The following ZNF577 variants were observed in gnomAD, a reference collection of about 807,000 sequenced individuals.
ZNF577 encodes the protein zinc finger protein 577.
A neutral mutation model predicts 13.9 loss-of-function variants in ZNF577; 14 were observed. That is an observed-to-expected ratio of 1.00 (90% CI 0.66 to 1.57). ZNF577 has a LOEUF of 1.57. Among genes scored for constraint, ZNF577 ranks in the 40% most tolerant of loss-of-function variants. The pLI is 0.00. For synonymous variants in ZNF577, 203 were observed against 202.9 expected (o/e 1.00, Z 0.00); for missense variants, 555 against 579.2 (o/e 0.96, Z 0.43).
chr19:51,857,231 G>A (rs1037361762), intron 5 of ZNF577, among the ~76,000 whole-genome samples: 15 of 151,886 alleles, frequency 9.9e-5, no homozygotes, highest in East Asian at 1.9e-4. Flanking sequence ...CCCGGGAGGC[G>A]GAGGCTGCAG....
At chr19:51,885,700 G>A (rs112819549) in intron 1 of ZNF577, among the ~76,000 whole-genome samples, 4,809 of 152,134 alleles carry the variant, frequency 0.032, 206 homozygotes, top group African/African-American at 0.099. Flanking sequence ...AGTAGGGATG[G>A]GGTTTCATCA....
At chr19:51,852,371 G>T (rs1365862109) in intron 5 of ZNF577, among the ~76,000 whole-genome samples, 1 of 152,204 alleles carries the variant, frequency 6.6e-6, no homozygotes, top group African/African-American at 2.4e-5. Context: ...CTGTCCAAAA[G>T]TTGCAAGGAG....
At position 51,880,304 on chromosome 19, in the gene ZNF577, A is replaced by G; in HGVS notation, c.60+19T>C. On this transcript the variant is annotated intron_variant, in intron 3 of 5. Transcript: ENST00000638348. ...AAGGAAAGAAGTTTCTCAAGCTCTCACAGCAATGACAAATTTACCTCCCCT... is the reference window on the plus strand; with the variant it reads ...AAGGAAAGAAGTTTCTCAAGCTCTCGCAGCAATGACAAATTTACCTCCCCT... 2 of 1,612,588 alleles carry G rather than the reference A, an allele frequency of 1.2e-6. No homozygotes were observed. The highest frequency in any genetic ancestry group is 1.7e-6 in the Non-Finnish European group (2 of 1,178,816).
chr19:51,819,927 T>C (rs555293325), intron 9 of ZNF577, among the ~76,000 whole-genome samples: 4 of 152,266 alleles, frequency 2.6e-5, no homozygotes, highest in African/African-American at 9.6e-5. Flanking sequence ...ACAAATACCA[T>C]TTCTTGGGAA....
At chr19:51,819,775 A>G (rs1007615422) in intron 9 of ZNF577, among the ~76,000 whole-genome samples, 2 of 152,220 alleles carry the variant, frequency 1.3e-5, no homozygotes, top group Non-Finnish European at 2.9e-5. Flanking sequence ...TCTTAAAGAA[A>G]TAGGGTTGAA....
At chr19:51,808,157 G>A (rs987220484) in intron 10 of ZNF577, among the ~76,000 whole-genome samples, 7 of 152,102 alleles carry the variant, frequency 4.6e-5, no homozygotes, top group Admixed American at 2.6e-4. Context: ...CTCCGTGCAG[G>A]GTTTGGTAAA....
At chr19:51,865,210 C>T (rs1174206244), downstream of ZNF577, among the ~76,000 whole-genome samples, 1 of 152,188 alleles carries the variant, frequency 6.6e-6, no homozygotes, top group African/African-American at 2.4e-5. Context: ...GATTCTCCAA[C>T]CGCACCTCTG....
chr19:51,864,317 G>A (rs1350094247), downstream of ZNF577, among the ~76,000 whole-genome samples: 2 of 152,086 alleles, frequency 1.3e-5, no homozygotes, highest in Non-Finnish European at 2.9e-5. Context: ...GAACCAAGAT[G>A]TTTCTGATGT....
intron 9 of ZNF577, among the ~76,000 whole-genome samples, chr19:51,839,080 T>C (rs1317206631): frequency 6.6e-6 from 1 of 152,162 alleles, no homozygotes; most frequent in African/African-American, 2.4e-5. Context: ...TCCAATAATC[T>C]TCAAAAGAAA....
downstream of ZNF577, among the ~76,000 whole-genome samples, chr19:51,865,555 C>CT (rs1441493741): frequency 1.3e-5 from 2 of 152,148 alleles, no homozygotes; most frequent in Admixed American, 1.3e-4. Flanking sequence ...AAAGGCAGTG[C>CT]TGTGATGATG....
intron 5 of ZNF577, among the ~76,000 whole-genome samples, chr19:51,852,807 G>C (rs2084385513): frequency 6.6e-6 from 1 of 152,148 alleles, no homozygotes; most frequent in Admixed American, 6.5e-5. Flanking sequence ...AAAATGTCAT[G>C]TGTGTGTAAT....
intron 9 of ZNF577, among the ~76,000 whole-genome samples, chr19:51,838,474 G>C (rs1306817562): frequency 1.3e-5 from 2 of 150,532 alleles, no homozygotes; most frequent in Non-Finnish European, 3.0e-5. Flanking sequence ...ATGTACCCTA[G>C]AACTTAAAGT....
At chr19:51,854,846 C>T (rs1480245932) in intron 5 of ZNF577, among the ~76,000 whole-genome samples, 2 of 151,816 alleles carry the variant, frequency 1.3e-5, no homozygotes, top group East Asian at 3.9e-4. Flanking sequence ...TTTTCTGTTT[C>T]ACTTCTTCAT....
chr19:51,838,612 T>C (rs1450512646), intron 9 of ZNF577, among the ~76,000 whole-genome samples: 1 of 147,832 alleles, frequency 6.8e-6, no homozygotes, highest in Non-Finnish European at 1.5e-5. Context: ...CATAAATATA[T>C]ATAAATTTAT....
intron 9 of ZNF577, among the ~76,000 whole-genome samples, chr19:51,822,965 C>A (rs1191566036): frequency 6.6e-6 from 1 of 152,080 alleles, no homozygotes; most frequent in Non-Finnish European, 1.5e-5. Context: ...CAGGTTCAAG[C>A]AATTCTCCTG....
chr19:51,875,458 G>A (rs549352772), intron 5 of ZNF577, among the ~76,000 whole-genome samples: 1 of 151,460 alleles, frequency 6.6e-6, no homozygotes, highest in Non-Finnish European at 1.5e-5. Context: ...GACAGCGAAA[G>A]AGGGCAGTAT....
At chr19:51,806,021 C>T (rs550628230) in intron 10 of ZNF577, among the ~76,000 whole-genome samples, 1 of 152,210 alleles carries the variant, frequency 6.6e-6, no homozygotes, top group East Asian at 1.9e-4. Flanking sequence ...TACAGGTCAA[C>T]TGGGTATTGT....
At chr19:51,860,842 A>G in intron 5 of ZNF577, 1 of 360,970 alleles carries the variant, frequency 2.8e-6, no homozygotes, top group Non-Finnish European at 5.2e-6. Context: ...CACTGTATCT[A>G]TGAGATTTCT....
chr19:51,874,382 T>C (rs7255003), intron 5 of ZNF577, among the ~76,000 whole-genome samples: 17,561 of 151,544 alleles, frequency 0.12, 1,312 homozygotes, highest in Middle Eastern at 0.16. Context: ...GCTCACATCA[T>C]AGGGTAAGAA....
Sources: allele counts gnomAD v4.1 joint callset (sites outside exome capture counted in the v4.1 genomes callset), GRCh38; gene constraint gnomAD v4.1.1; transcripts MANE v1.5; gene names NCBI Gene and HGNC (gene_info 2026-07-23, HGNC 2026-07-21).